NAALADL2: variants seen among roughly 807,000 people sequenced by gnomAD.
NAALADL2 encodes the protein inactive N-acetylated-alpha-linked acidic dipeptidase-like protein 2.
A neutral mutation model predicts 87.2 loss-of-function variants in NAALADL2; 76 were observed. That is an observed-to-expected ratio of 0.87 (90% CI 0.72 to 1.05). NAALADL2 has a LOEUF of 1.05. Among genes scored for constraint, NAALADL2 ranks in the 50% least tolerant of loss-of-function variants. The probability of loss-of-function intolerance (pLI) is 0.00; values close to 1 mark genes in which losing one functional copy is unlikely to be tolerated. For missense variants in NAALADL2, 1,089 were observed against 945.8 expected (o/e 1.15, Z -1.99); for synonymous variants, 354 against 331.0 (o/e 1.07, Z -0.75).
chr3:175,089,432 C>G (rs1719661704), intron 1 of NAALADL2, among the ~76,000 whole-genome samples: 1 of 152,186 alleles, frequency 6.6e-6, no homozygotes, highest in East Asian at 1.9e-4. Flanking sequence ...TACTGACTAG[C>G]TGTGAGAACT....
In NAALADL2 at chr3:175,092,000, A is replaced by G. The variant is rs558218236; in HGVS notation, c.44-4790A>G. Among the ~76,000 whole-genome samples, 6 of 151,942 alleles carry G rather than the reference A, an allele frequency of 3.9e-5. No individual in the cohort carries two copies. In the South Asian group the frequency reaches 1.2e-3, roughly 31 times the overall value. On this transcript the variant is annotated intron_variant, in intron 1 of 13. Coordinates refer to ENST00000454872, the MANE Select transcript of NAALADL2 (RefSeq NM_207015.3). ...TATTTTAAACTTGTAAGCTCCGAATATTTCTATTTTCTTAGCTCTATAGAA... is the reference window on the plus strand; with the variant it reads ...TATTTTAAACTTGTAAGCTCCGAATGTTTCTATTTTCTTAGCTCTATAGAA...
intron 1 of NAALADL2, among the ~76,000 whole-genome samples, chr3:174,887,284 C>T (rs943712235): frequency 4.7e-5 from 7 of 149,914 alleles, no homozygotes; most frequent in Non-Finnish European, 8.9e-5. Context: ...TTATCAATGT[C>T]ATTATCACTT....
intron 9 of NAALADL2, among the ~76,000 whole-genome samples, chr3:175,565,749 G>A (rs1324281669): frequency 6.7e-6 from 1 of 150,264 alleles, no homozygotes; most frequent in East Asian, 2.0e-4. Flanking sequence ...CTTCAATTGT[G>A]AATATTTCTG....
intron 13 of NAALADL2, among the ~76,000 whole-genome samples, chr3:175,801,025 C>A (rs918340314): frequency 1.3e-5 from 2 of 152,076 alleles, no homozygotes; most frequent in Non-Finnish European, 2.9e-5. Flanking sequence ...AAAGTGCTGG[C>A]AAGGCTGAGA....
rs1223501334 is a variant in NAALADL2, at chr3:175,317,100, C to A, written c.940-7075C>A. ...AGCCAAAAATAGTATATGATTACAC[C>A]CTATTGCTTAATTATAGGCCATCAG... On this transcript the variant is annotated intron_variant, in intron 4 of 13. Coordinates refer to ENST00000454872, the MANE Select transcript of NAALADL2 (RefSeq NM_207015.3). Among the ~76,000 whole-genome samples, 3 of 152,098 alleles carry A rather than the reference C, an allele frequency of 2.0e-5. No homozygotes were observed. In the South Asian group the frequency reaches 6.2e-4, roughly 32 times the overall value.
chr3:175,397,210 C>A lies in NAALADL2; in HGVS notation c.1091-50019C>A, dbSNP rs993037369. The A allele has an allele frequency of 1.3e-4, 20 of 152,132 alleles. 3 individuals carry two copies. The highest frequency in any genetic ancestry group is 3.9e-4 in the Admixed American group (6 of 15,264). 9.4% of individuals were successfully genotyped at this position (152,132 alleles called of 1,614,324 possible). ...TGTTAATGAGATGCTTTTATTGCCA[C>A]AATTTTTTTAGTTGTTATTATTTTA... On this transcript the variant is annotated intron_variant, in intron 5 of 13. Coordinates refer to ENST00000454872, the MANE Select transcript of NAALADL2 (RefSeq NM_207015.3).
intron 1 of NAALADL2, among the ~76,000 whole-genome samples, chr3:175,027,607 G>A (rs375302824): frequency 6.6e-6 from 1 of 151,894 alleles, no homozygotes; most frequent in African/African-American, 2.4e-5. Flanking sequence ...GCTCTTCCCC[G>A]AATTCTTTTA....
At chr3:174,820,672 GA>G (rs1721317482) in intron 3 of NAALADL2, among the ~76,000 whole-genome samples, 1 of 151,958 alleles carries the variant, frequency 6.6e-6, no homozygotes. Flanking sequence ...TCTCTCTATA[GA>G]AAATACTGCA....
chr3:175,633,198 G>T (rs1033881247), intron 11 of NAALADL2, among the ~76,000 whole-genome samples: 1 of 151,944 alleles, frequency 6.6e-6, no homozygotes, highest in Non-Finnish European at 1.5e-5. Context: ...CCAATTTTTT[G>T]GAATTCTTGT....
intron 5 of NAALADL2, among the ~76,000 whole-genome samples, chr3:175,422,025 A>G (rs553715605): frequency 1.1e-4 from 17 of 152,246 alleles, no homozygotes; most frequent in Admixed American, 8.5e-4. Flanking sequence ...AGGCCAGAGC[A>G]GGAAGGACAC....
intron 3 of NAALADL2, among the ~76,000 whole-genome samples, chr3:174,823,803 C>G (rs1003921253): frequency 6.6e-6 from 1 of 152,070 alleles, no homozygotes; most frequent in African/African-American, 2.4e-5. Flanking sequence ...CTCCGCCTCC[C>G]GGGTTCAAGC....
At chr3:174,683,743 A>G (rs1386235135) in intron 2 of NAALADL2, among the ~76,000 whole-genome samples, 1 of 151,868 alleles carries the variant, frequency 6.6e-6, no homozygotes, top group Non-Finnish European at 1.5e-5. Context: ...ATGAGAAGAA[A>G]ATAAATAACT....
chr3:175,170,469 AAATAT>A (rs1027252363), intron 2 of NAALADL2, among the ~76,000 whole-genome samples: 15 of 146,956 alleles, frequency 1.0e-4, no homozygotes, highest in African/African-American at 2.0e-4. Flanking sequence ...TAATATATAT[AAATAT>A]AATATAATAT....
intron 2 of NAALADL2, among the ~76,000 whole-genome samples, chr3:174,565,769 A>G (rs1159102035): frequency 6.6e-6 from 1 of 151,974 alleles, no homozygotes; most frequent in Non-Finnish European, 1.5e-5. Context: ...AGGTGTCTGT[A>G]CCATTTTGTA....
chr3:174,549,558 A>G (rs1414206211), intron 1 of NAALADL2, among the ~76,000 whole-genome samples: 1 of 152,236 alleles, frequency 6.6e-6, no homozygotes, highest in Non-Finnish European at 1.5e-5. Flanking sequence ...CAGATACTAA[A>G]TTAACATCCT....
At chr3:175,042,010 A>C (rs1019962319) in intron 1 of NAALADL2, among the ~76,000 whole-genome samples, 2 of 152,160 alleles carry the variant, frequency 1.3e-5, no homozygotes, top group Admixed American at 6.5e-5. Context: ...CATGCTGTAC[A>C]TTAGGTCCTC....
intron 1 of NAALADL2, among the ~76,000 whole-genome samples, chr3:174,522,648 A>G (rs1159206331): frequency 5.9e-5 from 9 of 152,032 alleles, no homozygotes; most frequent in Non-Finnish European, 2.9e-5. Flanking sequence ...TAAAACAACA[A>G]GAAAGGCCGG....
At chr3:175,639,946 T>C (rs895285715) in intron 11 of NAALADL2, among the ~76,000 whole-genome samples, 3 of 152,140 alleles carry the variant, frequency 2.0e-5, no homozygotes, top group African/African-American at 7.2e-5. Context: ...TATGCCAGAA[T>C]GGATACACTA....
intron 5 of NAALADL2, among the ~76,000 whole-genome samples, chr3:175,348,875 A>C (rs931058706): frequency 6.6e-6 from 1 of 152,170 alleles, no homozygotes; most frequent in Non-Finnish European, 1.5e-5. Flanking sequence ...TCTATTTTTA[A>C]TTGAATTTTT....
Sources: gnomAD v4.1 joint callset for allele counts (sites outside exome capture counted in the v4.1 genomes callset) on GRCh38, gnomAD v4.1.1 for gene constraint, MANE v1.5 for transcripts, NCBI Gene and HGNC (gene_info 2026-07-23, HGNC 2026-07-21) for gene names.